The following GRIN2B variants were observed in gnomAD, a reference collection of about 807,000 sequenced individuals.
GRIN2B encodes glutamate ionotropic receptor NMDA type subunit 2B, also known as glutamate receptor ionotropic, NMDA 2B.
A neutral mutation model predicts 114.5 loss-of-function variants in GRIN2B; 5 were observed. The ratio of observed to expected loss-of-function variants is 0.04; its 90% CI spans 0.02 to 0.09. GRIN2B has a LOEUF of 0.09. Among genes scored for constraint, GRIN2B ranks in the 10% least tolerant of loss-of-function variants. GRIN2B has a pLI of 1.00. For synonymous variants in GRIN2B, 787 were observed against 745.1 expected (o/e 1.06, Z -0.92); for missense variants, 1,108 against 1,943.5 (o/e 0.57, Z 8.08).
intron 5 of GRIN2B, among the ~76,000 whole-genome samples, chr12:13,671,929 T>A (rs528301226): frequency 6.6e-6 from 1 of 152,222 alleles, no homozygotes; most frequent in South Asian, 2.1e-4. Context: ...AAACGCCAGA[T>A]AATGAGTGTA....
At chr12:13,800,854 G>C (rs1220373042) in intron 3 of GRIN2B, among the ~76,000 whole-genome samples, 1 of 152,142 alleles carries the variant, frequency 6.6e-6, no homozygotes, top group African/African-American at 2.4e-5. Flanking sequence ...TAAATGTCAT[G>C]CTATGCTATA....
At chr12:13,656,766 A>C (rs1435969746) in intron 5 of GRIN2B, among the ~76,000 whole-genome samples, 1 of 152,244 alleles carries the variant, frequency 6.6e-6, no homozygotes, top group African/African-American at 2.4e-5. Flanking sequence ...GTCACTAAAA[A>C]TACGCCATAG....
intron 4 of GRIN2B, among the ~76,000 whole-genome samples, chr12:13,709,596 C>T (rs1318044265): frequency 1.3e-5 from 2 of 151,978 alleles, no homozygotes; most frequent in African/African-American, 4.8e-5. Flanking sequence ...AGTCAGTTAA[C>T]TTACAGGTAA....
At chr12:13,898,478 T>C (rs1325841146) in intron 2 of GRIN2B, among the ~76,000 whole-genome samples, 1 of 152,236 alleles carries the variant, frequency 6.6e-6, no homozygotes, top group Non-Finnish European at 1.5e-5. Flanking sequence ...CAGGCACTTC[T>C]CTTAGTTGAC....
Position 13,616,471 on chromosome 12 carries a change from T to C in GRIN2B, c.1312A>G (p.Lys438Glu). ...TCMRNTVPCQ[K>E]RIVTENKTDE... ...ATGCCATACTCAGTGACTATGCGTT[T>C]TTGGCAGGGGACTGTGTTCCTCATG... Residue 438 changes from lysine to glutamate, a missense_variant, in exon 6 of 14, where the codon AAA (lysine) becomes GAA (glutamate). Physicochemically the swap from Lys to Glu is moderately conservative, Grantham distance 56. Around this residue, in one of 19 missense-constraint regions of GRIN2B, gnomAD observed 26 missense variants for 23.5 expected, o/e 1.11. Coordinates refer to ENST00000609686, the MANE Select transcript of GRIN2B (RefSeq NM_000834.5). 6.2e-7 allele frequency: 1 copy of C among 1,613,620 alleles called. No individual in the cohort carries two copies. Among genetic ancestry groups the C allele is most frequent in the Non-Finnish European group, 8.5e-7 (1 of 1,179,794 alleles).
intron 9 of GRIN2B, among the ~76,000 whole-genome samples, chr12:13,609,461 C>T (rs1439056347): frequency 6.6e-6 from 1 of 152,094 alleles, no homozygotes; most frequent in Non-Finnish European, 1.5e-5. Context: ...GGTTTCCTGT[C>T]ATAGAAGCTT....
At chr12:13,714,494 C>T (rs1456462022) in intron 4 of GRIN2B, among the ~76,000 whole-genome samples, 1 of 151,824 alleles carries the variant, frequency 6.6e-6, no homozygotes, top group Non-Finnish European at 1.5e-5. Context: ...AGACTCCAAA[C>T]TTTTTAAAAA....
intron 3 of GRIN2B, among the ~76,000 whole-genome samples, chr12:13,764,183 CAAAAAAA>C (rs111977459): frequency 9.4e-6 from 1 of 106,460 alleles, no homozygotes; most frequent in Non-Finnish European, 2.0e-5. Flanking sequence ...ATATCCATAC[CAAAAAAA>C]AAAAAAAAAA....
intron 10 of GRIN2B, among the ~76,000 whole-genome samples, chr12:13,601,146 G>GGC (rs1949152724): frequency 6.6e-6 from 1 of 152,182 alleles, no homozygotes; most frequent in Admixed American, 6.5e-5. Flanking sequence ...AAGTTGTGAA[G>GGC]GCCTTGTATT....
chr12:13,854,932 C>T (rs1241364917), intron 3 of GRIN2B, among the ~76,000 whole-genome samples: 1 of 151,652 alleles, frequency 6.6e-6, no homozygotes, highest in African/African-American at 2.4e-5. Context: ...GGGTCTAGGC[C>T]AGGCACAGTG....
At chr12:13,950,755 C>G (rs908482617) in intron 2 of GRIN2B, among the ~76,000 whole-genome samples, 4 of 152,080 alleles carry the variant, frequency 2.6e-5, no homozygotes. Context: ...GGGCACAATT[C>G]CTTAAAAAGA....
intron 4 of GRIN2B, among the ~76,000 whole-genome samples, chr12:13,707,519 C>T (rs1045103785): frequency 6.6e-6 from 1 of 151,976 alleles, no homozygotes; most frequent in African/African-American, 2.4e-5. Context: ...ACATTATTTT[C>T]TTGGGGTCTT....
chr12:13,903,363 A>G (rs532932744), intron 2 of GRIN2B, among the ~76,000 whole-genome samples: 1 of 152,104 alleles, frequency 6.6e-6, no homozygotes, highest in Non-Finnish European at 1.5e-5. Context: ...AGCTATAAAG[A>G]CCATAAATTT....
At chr12:13,695,553 A>G (rs1950252573) in intron 4 of GRIN2B, among the ~76,000 whole-genome samples, 1 of 152,086 alleles carries the variant, frequency 6.6e-6, no homozygotes, top group Non-Finnish European at 1.5e-5. Flanking sequence ...AAAGAAGAGT[A>G]TGGGAATGAT....
At chr12:13,616,020 C>T (rs1591643227) in intron 6 of GRIN2B, among the ~76,000 whole-genome samples, 1 of 152,146 alleles carries the variant, frequency 6.6e-6, no homozygotes, top group African/African-American at 2.4e-5. Context: ...ACCAGAGAGG[C>T]CTCTTGTTTC....
chr12:13,705,512 T>A (rs1452844865), intron 4 of GRIN2B, among the ~76,000 whole-genome samples: 1 of 152,100 alleles, frequency 6.6e-6, no homozygotes, highest in Non-Finnish European at 1.5e-5. Flanking sequence ...CCAAAATGTG[T>A]TTGTATACCA....
intron 10 of GRIN2B, among the ~76,000 whole-genome samples, chr12:13,582,689 G>A (rs1163140370): frequency 4.0e-5 from 6 of 151,880 alleles, no homozygotes; most frequent in South Asian, 2.1e-4. Flanking sequence ...AAGGAATTTT[G>A]TGCCTCTCTG....
intron 3 of GRIN2B, among the ~76,000 whole-genome samples, chr12:13,824,681 C>T (rs563709158): frequency 5.3e-5 from 8 of 151,854 alleles, no homozygotes; most frequent in Admixed American, 4.6e-4. Context: ...GGTGAAACCC[C>T]GTCTCTACTA....
intron 2 of GRIN2B, among the ~76,000 whole-genome samples, chr12:13,978,988 G>A (rs1863081461): frequency 6.6e-6 from 1 of 152,180 alleles, no homozygotes; most frequent in Non-Finnish European, 1.5e-5. Flanking sequence ...GAGGGTACAA[G>A]ACTAATACAT....
Sources: gnomAD v4.1 joint callset for allele counts (sites outside exome capture counted in the v4.1 genomes callset) on GRCh38, gnomAD v4.1.1 for gene constraint, gnomAD v4.1.1 regional missense constraint, MANE v1.5 for transcripts, NCBI Gene and HGNC (gene_info 2026-07-23, HGNC 2026-07-21) for gene names.